EPS8L3: variants seen among roughly 807,000 people sequenced by gnomAD.
The protein encoded by EPS8L3 is epidermal growth factor receptor kinase substrate 8-like protein 3.
EPS8L3 carries 80 observed loss-of-function variants against 88.5 expected under a neutral mutation model. That is an observed-to-expected ratio of 0.90 (90% CI 0.75 to 1.09). The LOEUF (loss-of-function observed/expected upper bound fraction) is 1.09, where lower values mean the gene tolerates loss of function less well. EPS8L3 is among the 50% of genes least tolerant of loss of function. The probability of loss-of-function intolerance (pLI) is 0.00; values close to 1 mark genes in which losing one functional copy is unlikely to be tolerated. For missense variants in EPS8L3, 721 were observed against 735.2 expected (o/e 0.98, Z 0.22); for synonymous variants, 286 against 291.0 (o/e 0.98, Z 0.18).
intron 12 of EPS8L3, among the ~76,000 whole-genome samples, chr1:109,756,461 C>T (rs960030916): frequency 6.6e-6 from 1 of 152,212 alleles, no homozygotes; most frequent in African/African-American, 2.4e-5. Context: ...TGGTCTCGAA[C>T]TCCTGACCTC....
chr1:109,759,045 G>A lies in EPS8L3; in HGVS notation c.461+17C>T. ...AGCTGGGAGGCCCCATAGGTGGGCT[G>A]GGCAGAGGCTGCCTACCTTTGCTCC... On this transcript the variant is annotated intron_variant, in intron 6 of 18. Transcript: ENST00000361965. The surrounding 1 kb of genome is among the most constrained non-coding windows in gnomAD (Gnocchi z 4.2). The A allele has an allele frequency of 1.9e-6, 3 of 1,588,792 alleles. No homozygotes were observed. Among genetic ancestry groups the A allele is most frequent in the Non-Finnish European group, 2.6e-6 (3 of 1,167,992 alleles).
intron 3 of EPS8L3, 76 bp downstream of exon 3, chr1:109,761,419 G>A: frequency 1.5e-6 from 2 of 1,332,218 alleles, no homozygotes; most frequent in African/African-American, 2.9e-5. Flanking sequence ...AAGTGTCCAT[G>A]TTCTGGCAGG....
intron 16 of EPS8L3, 116 bp downstream of exon 16, chr1:109,751,538 G>T: frequency 1.3e-6 from 2 of 1,492,018 alleles, no homozygotes; most frequent in Non-Finnish European, 1.8e-6. Context: ...CACTAAGCAT[G>T]CAATAATACG....
chr1:109,752,686 C>T lies in EPS8L3; in HGVS notation c.1235G>A (p.Arg412Gln). Residue 412 changes from arginine (R) to glutamine (Q), a missense_variant and splice_region_variant, in exon 14 of 19, where the codon CGG (arginine) becomes CAG (glutamine). Transcript: ENST00000361965. ...PLGYQDPVSL[R>Q]RGSHRLGSTS... ...AGTCCCTATTAAGCTCAGAGCATAC[C>T]GAAGGGAAACAGGGTCCTGGTATCC... 2.6e-6 allele frequency: 4 copies of T among 1,551,554 alleles called. No individual in the cohort carries two copies. Among genetic ancestry groups the T allele is most frequent in the Non-Finnish European group, 3.5e-6 (4 of 1,146,868 alleles).
rs1328202674 is a variant in EPS8L3, at chr1:109,751,324, G to T, written c.1591C>A (p.Pro531Thr). The change falls in exon 17 of 19, where the codon CCT becomes ACT. Residue 531 changes from proline to threonine, a missense_variant. Physicochemically the swap from Pro to Thr is conservative, Grantham distance 38. Transcript: ENST00000361965. ...RVPMLRLSSRPEEVTDWLQAE... is the reference protein window; with the variant it reads ...RVPMLRLSSRTEEVTDWLQAE... The stretch of plus-strand genomic sequence containing the variant: ...TGCAGCCAGTCTGTGACCTCTTCAG[G>T]CCTCGAGCTAAGTCGAAGCATTGGA... 13 of 1,613,820 alleles carry T rather than the reference G, an allele frequency of 8.1e-6. No individual in the cohort carries two copies. Among genetic ancestry groups the T allele is most frequent in the Admixed American group, 1.7e-5 (1 of 59,994 alleles).
At chr1:109,757,728 G>C in intron 10 of EPS8L3, 74 bp downstream of exon 10, 1 of 1,524,148 alleles carries the variant, frequency 6.6e-7, no homozygotes, top group Non-Finnish European at 9.1e-7. Flanking sequence ...GGATGGTTGA[G>C]TCCAGACAGC....
Position 109,759,111 on chromosome 1 carries a change from G to T in EPS8L3, c.412C>A (p.Arg138=). The change falls in exon 6 of 19, where the codon CGA becomes AGA. Residue 138 remains arginine (R), a synonymous_variant. Transcript: ENST00000361965. The surrounding 1 kb of genome is among the most constrained non-coding windows in gnomAD (Gnocchi z 4.2). The part of the protein sequence containing the change: ...LFQCQEVGAE[R]LKTSLQKALE... ...GCCTTCTGCAGGCTGGTCTTCAGTC[G>T]CTCTGCCTGGGAAGCAGCAGTCAGG... 1 of 1,611,566 alleles carries T rather than the reference G, an allele frequency of 6.2e-7. No homozygotes were observed. The highest frequency in any genetic ancestry group is 8.5e-7 in the Non-Finnish European group (1 of 1,179,542).
chr1:109,758,068 A>G lies in EPS8L3; in HGVS notation c.718-10T>C. On this transcript the variant is annotated splice_polypyrimidine_tract_variant and intron_variant, in intron 8 of 18. Transcript: ENST00000361965. ...CATGGTTCAGCACTTCCTGGGCCCC[A>G]AACAACCCATGGCCTTGAACGGGCA... 6.2e-7 allele frequency: 1 copy of G among 1,612,446 alleles called. No homozygotes were observed. The highest frequency in any genetic ancestry group is 8.5e-7 in the Non-Finnish European group (1 of 1,179,128).
rs757726368 is a variant in EPS8L3 at position 109,759,663 on chromosome 1, G to T, written c.255+15C>A. On this transcript the variant is annotated intron_variant, in intron 4 of 18. Transcript: ENST00000361965. This position sits in a 1 kb window ranked among gnomAD's most constrained non-coding sequence, Gnocchi z 4.2. ...GCCCAGGCTGGCTATCACTGGGTTT[G>T]CTGGGAAGGCTGACCTTGGTCTCAA... The T allele has an allele frequency of 9.9e-6, 16 of 1,611,982 alleles. No individual in the cohort carries two copies. In the South Asian group the frequency reaches 1.1e-4, roughly 11 times the overall value.
intron 1 of EPS8L3, 102 bp from the exon 2 acceptor site, chr1:109,761,875 G>A: frequency 9.6e-7 from 1 of 1,040,364 alleles, no homozygotes; most frequent in Non-Finnish European, 1.5e-6. Flanking sequence ...GGGGGCCTCT[G>A]GGACCAGACC....
At position 109,759,171 on chromosome 1, in the gene EPS8L3, G is replaced by T; in HGVS notation, c.406-54C>A. ...TGTGTGTGTGTGTGTGTGTGTGTGT[G>T]TGTGTGTGTGTGGTGGGGTGATGGT... On this transcript the variant is annotated intron_variant, in intron 5 of 18. Coordinates refer to ENST00000361965, the MANE Select transcript of EPS8L3 (RefSeq NM_133181.4). This position sits in a 1 kb window ranked among gnomAD's most constrained non-coding sequence, Gnocchi z 4.2. The T allele has an allele frequency of 6.2e-7, 1 of 1,606,396 alleles. No homozygotes were observed. Among genetic ancestry groups the T allele is most frequent in the Non-Finnish European group, 8.5e-7 (1 of 1,174,008 alleles).
In EPS8L3 at chr1:109,759,381, GCTC is replaced by G. The variant is rs1367396599; in HGVS notation, c.259_261del (p.Glu87del). 6.2e-7 allele frequency: 1 copy of G among 1,613,756 alleles called. No homozygotes were observed. Among genetic ancestry groups the G allele is most frequent in the Non-Finnish European group, 8.5e-7 (1 of 1,179,816 alleles). On this transcript the variant is annotated inframe_deletion, in exon 5 of 19. Coordinates refer to ENST00000361965, the MANE Select transcript of EPS8L3 (RefSeq NM_133181.4). This position sits in a 1 kb window ranked among gnomAD's most constrained non-coding sequence, Gnocchi z 4.2. ...ATGCTGTCTAGGCGGTAAGAGTCCAGCTCCTCCTGGGCCAGGTGGAGAGGTCAA... is the reference window on the plus strand; with the variant it reads ...ATGCTGTCTAGGCGGTAAGAGTCCAGCTCCTGGGCCAGGTGGAGAGGTCAA...
At position 109,757,202 on chromosome 1, in the gene EPS8L3, TC is replaced by T. The variant is rs1650369417; in HGVS notation, c.970-38del. 2.6e-6 allele frequency: 4 copies of T among 1,561,510 alleles called. No homozygotes were observed. In the East Asian group the frequency reaches 9.2e-5, roughly 36 times the overall value. On this transcript the variant is annotated intron_variant, in intron 11 of 18. Coordinates refer to ENST00000361965, the MANE Select transcript of EPS8L3 (RefSeq NM_133181.4). ...ATGGAAGGTGTCAGGAAGCCTAGGC[TC>T]CCACAGGGCCCAGTGAGGGTGGGAA...
chr1:109,753,264 C>T lies in EPS8L3; in HGVS notation c.1119-66G>A, dbSNP rs567502772. ...AACTCTGATGCCAGGCTGTGGGACG[C>T]GGACAGGGAGGGGACGACAGGGCCT... On this transcript the variant is annotated intron_variant, in intron 12 of 18. Coordinates refer to ENST00000361965, the MANE Select transcript of EPS8L3 (RefSeq NM_133181.4). The T allele has an allele frequency of 2.8e-5, 38 of 1,360,136 alleles. 1 individual carries two copies. The East Asian group carries it at 2.8e-4, about 10-fold the overall frequency. 84.3% of individuals were successfully genotyped at this position (1,360,136 alleles called of 1,614,324 possible). A position where few individuals can be genotyped will look rare whatever the true frequency, so the allele number is the denominator to read the frequency against.
At chr1:109,750,818 C>A in intron 17 of EPS8L3, 26 bp from the exon 18 acceptor site, 1 of 1,613,524 alleles carries the variant, frequency 6.2e-7, no homozygotes, top group Non-Finnish European at 8.5e-7. Context: ...CAAAAGCCAT[C>A]CGTGGTGGGC....
chr1:109,753,324 G>T, intron 12 of EPS8L3, 126 bp from the exon 13 acceptor site: 1 of 707,824 alleles, frequency 1.4e-6, no homozygotes, highest in Non-Finnish European at 2.3e-6. Context: ...AGGTGACATG[G>T]TCCATGTGCA....
At position 109,759,601 on chromosome 1, in the gene EPS8L3, AGG is replaced by A; in HGVS notation, c.255+75_255+76del. The A allele has an allele frequency of 1.3e-6, 2 of 1,547,134 alleles. No homozygotes were observed. The highest frequency in any genetic ancestry group is 1.7e-6 in the Non-Finnish European group (2 of 1,145,274). ...AGAGTGGCTGCCCTTTGGGGCATGG[AGG>A]GTGGAGTTCAAGAGCTAGTGCTTGC... On this transcript the variant is annotated intron_variant, in intron 4 of 18. Transcript: ENST00000361965. The surrounding 1 kb of genome is among the most constrained non-coding windows in gnomAD (Gnocchi z 4.2).
At position 109,758,590 on chromosome 1, in the gene EPS8L3, C is replaced by T; in HGVS notation, c.535G>A (p.Glu179Lys). 2 of 1,613,432 alleles carry T rather than the reference C, an allele frequency of 1.2e-6. No homozygotes were observed. Among genetic ancestry groups the T allele is most frequent in the Non-Finnish European group, 1.7e-6 (2 of 1,179,646 alleles). Residue 179 changes from glutamate to lysine, a missense_variant, in exon 7 of 19, where the codon GAG (glutamate) becomes AAG (lysine). Transcript: ENST00000361965. ...GPAMERPLPM[E>K]QARYLEPGIP... ...CCCGGCTCCAGATAGCGTGCCTGCT[C>T]CATAGGGAGCGGCCTTTCCATAGCA...
At chr1:109,755,543 G>T (rs999464042) in intron 12 of EPS8L3, among the ~76,000 whole-genome samples, 4 of 152,142 alleles carry the variant, frequency 2.6e-5, no homozygotes, top group African/African-American at 9.7e-5. Context: ...GGCAGCTCAC[G>T]GCTGTAATCT....
Sources: allele counts gnomAD v4.1 joint callset (sites outside exome capture counted in the v4.1 genomes callset), GRCh38; gene constraint gnomAD v4.1.1; non-coding constraint Gnocchi (gnomAD v3.1); transcripts MANE v1.5; gene names NCBI Gene and HGNC (gene_info 2026-07-23, HGNC 2026-07-21).